ELFN2: variants seen among roughly 807,000 people sequenced by gnomAD.
ELFN2 encodes the protein extracellular leucine rich repeat and fibronectin type III domain containing 2.
In ELFN2, 17 loss-of-function variants were observed where a neutral mutation model predicts 45.5. The ratio of observed to expected loss-of-function variants is 0.37; its 90% CI spans 0.26 to 0.56. ELFN2 has a LOEUF of 0.56. ELFN2 is among the 20% of genes least tolerant of loss of function. ELFN2 has a pLI of 0.77. For missense variants in ELFN2, 922 were observed against 1,183.2 expected (o/e 0.78, Z 3.24); for synonymous variants, 550 against 551.5 (o/e 1.00, Z 0.04).
chr22:37,368,796 T>G lies in ELFN2; in HGVS notation c.*4276A>C, dbSNP rs1931273673. ...AAAGGGGGCTCTGCTGGGCCAGGAATGGGCAGGGGCAGGGTAGTAGGGGAC... is the reference window on the plus strand; with the variant it reads ...AAAGGGGGCTCTGCTGGGCCAGGAAGGGGCAGGGGCAGGGTAGTAGGGGAC... On this transcript the variant is annotated 3_prime_UTR_variant, in exon 3 of 3. Coordinates refer to ENST00000402918, the MANE Select transcript of ELFN2 (RefSeq NM_052906.5). 6.6e-6 allele frequency: 1 copy of G among 152,372 alleles called. No homozygotes were observed. The highest frequency in any genetic ancestry group is 1.5e-5 in the Non-Finnish European group (1 of 68,190). The allele number at this position is 152,372 out of a possible 1,614,324, so 9.4% of individuals were successfully genotyped here.
chr22:37,354,379 T>A (rs1426324540), intron 1 of ELFN2: 2 of 152,216 alleles, frequency 1.3e-5, no homozygotes, highest in African/African-American at 4.8e-5. Context: ...CACGTATATA[T>A]TCACTTCAGT....
chr22:37,401,109 G>C (rs1401580802), intron 2 of ELFN2, among the ~76,000 whole-genome samples: 1 of 152,212 alleles, frequency 6.6e-6, no homozygotes, highest in Admixed American at 6.5e-5. Context: ...TGCGGGGGCC[G>C]TGGGGCCTAG....
chr22:37,411,674 C>T (rs1327505909), intron 2 of ELFN2, among the ~76,000 whole-genome samples: 1 of 152,188 alleles, frequency 6.6e-6, no homozygotes, highest in Non-Finnish European at 1.5e-5. Flanking sequence ...TGAGCTGTGA[C>T]CCAGTGTGGA....
chr22:37,400,050 A>C (rs1002095957), intron 2 of ELFN2, among the ~76,000 whole-genome samples: 3 of 152,086 alleles, frequency 2.0e-5, no homozygotes, highest in African/African-American at 7.2e-5. Flanking sequence ...CCCTGCCTCC[A>C]AAGGCCAAGC....
Position 37,372,958 on chromosome 22 carries a change from G to T in ELFN2, c.*114C>A. The T allele has an allele frequency of 8.0e-7, 1 of 1,248,660 alleles. No homozygotes were observed. Among genetic ancestry groups the T allele is most frequent in the Non-Finnish European group, 1.1e-6 (1 of 923,738 alleles). The allele number at this position is 1,248,660 out of a possible 1,614,324, so 77.3% of individuals were successfully genotyped here. ...TGCGTGCGTGCGGGTCTGCATGTGC[G>T]TCCTCTCCTGGGCCTTGGCCCCCGA... On this transcript the variant is annotated 3_prime_UTR_variant, in exon 3 of 3. Transcript: ENST00000402918. The surrounding 1 kb of genome is among the most constrained non-coding windows in gnomAD (Gnocchi z 4.4).
chr22:37,394,623 G>C (rs1932165347), intron 2 of ELFN2, among the ~76,000 whole-genome samples: 1 of 152,200 alleles, frequency 6.6e-6, no homozygotes, highest in African/African-American at 2.4e-5. Context: ...AGTAGGCAGA[G>C]CGATCCCGCA....
intron 1 of ELFN2, among the ~76,000 whole-genome samples, chr22:37,426,209 G>A (rs954565233): frequency 3.3e-5 from 5 of 152,296 alleles, no homozygotes; most frequent in South Asian, 4.1e-4. Context: ...AGAAAGTGCC[G>A]AGTACCACGT....
At position 37,375,639 on chromosome 22, in the gene ELFN2, G is replaced by C; in HGVS notation, c.-105C>G. The stretch of plus-strand genomic sequence containing the variant: ...TCCCTGGGGCCGCCACCATCTTGGG[G>C]GCGACCCCCAGCACGGGGGCCCCAG... On this transcript the variant is annotated 5_prime_UTR_variant, in exon 3 of 3. Coordinates refer to ENST00000402918, the MANE Select transcript of ELFN2 (RefSeq NM_052906.5). The C allele has an allele frequency of 1.4e-6, 2 of 1,381,780 alleles. No homozygotes were observed. The highest frequency in any genetic ancestry group is 1.9e-6 in the Non-Finnish European group (2 of 1,038,836). 85.6% of individuals were successfully genotyped at this position (1,381,780 alleles called of 1,614,324 possible). A position where few individuals can be genotyped will look rare whatever the true frequency, so the allele number is the denominator to read the frequency against.
downstream of ELFN2, among the ~76,000 whole-genome samples, chr22:37,364,384 G>A (rs1163483732): frequency 2.0e-5 from 3 of 152,186 alleles, no homozygotes; most frequent in East Asian, 3.8e-4. Flanking sequence ...AGCCGGGGGT[G>A]CAGAGCAAGA....
rs1931250099 is a variant in ELFN2, at chr22:37,368,202, A to G, written c.*4870T>C. 6.6e-6 allele frequency: 1 copy of G among 152,170 alleles called. No individual in the cohort carries two copies. The highest frequency in any genetic ancestry group is 2.1e-4 in the South Asian group (1 of 4,832). 9.4% of individuals were successfully genotyped at this position (152,170 alleles called of 1,614,324 possible). The stretch of plus-strand genomic sequence containing the variant: ...ACACAGCAAGGGTTCACAGGTTCAG[A>G]GCCCAGGGCCTGAGCCCAGCTCTGC... On this transcript the variant is annotated 3_prime_UTR_variant, in exon 3 of 3. Coordinates refer to ENST00000402918, the MANE Select transcript of ELFN2 (RefSeq NM_052906.5).
intron 2 of ELFN2, among the ~76,000 whole-genome samples, chr22:37,400,584 G>C (rs1027112369): frequency 6.6e-6 from 1 of 152,152 alleles, no homozygotes; most frequent in East Asian, 1.9e-4. Context: ...GGCCTGCAGG[G>C]GTGCCAGGAC....
At chr22:37,356,235 C>A (rs866925942) in intron 1 of ELFN2, among the ~76,000 whole-genome samples, 1 of 152,174 alleles carries the variant, frequency 6.6e-6, no homozygotes, top group African/African-American at 2.4e-5. Flanking sequence ...CGCTTACCCA[C>A]CTGCCCCTGG....
chr22:37,412,170 C>A (rs1932663760), intron 2 of ELFN2, among the ~76,000 whole-genome samples: 1 of 151,162 alleles, frequency 6.6e-6, no homozygotes, highest in African/African-American at 2.4e-5. Flanking sequence ...CATGGCGAAA[C>A]CTGGTCTCTA....
rs376516851 is a variant in ELFN2, at chr22:37,368,973, A to G, written c.*4099T>C. ...ATCCCACACAGGATGCTCCCTGACC[A>G]GCCTTGCCCCTCCCCCATCACCCTA... On this transcript the variant is annotated 3_prime_UTR_variant, in exon 3 of 3. Transcript: ENST00000402918. The G allele has an allele frequency of 1.4e-5, 2 of 147,200 alleles. No individual in the cohort carries two copies. The highest frequency in any genetic ancestry group is 3.0e-5 in the Non-Finnish European group (2 of 67,268). The allele number at this position is 147,200 out of a possible 1,614,324, so 9.1% of individuals were successfully genotyped here. A position where few individuals can be genotyped will look rare whatever the true frequency, so the allele number is the denominator to read the frequency against.
chr22:37,380,787 C>T (rs1931737561), intron 2 of ELFN2, among the ~76,000 whole-genome samples: 1 of 152,204 alleles, frequency 6.6e-6, no homozygotes, highest in Admixed American at 6.5e-5. Context: ...GACAGGAACT[C>T]TGCCCTCAGG....
rs895188082 is a variant in ELFN2 at position 37,416,239 on chromosome 22, G to C, written c.-463+1530C>G. On this transcript the variant is annotated intron_variant, in intron 2 of 2. Coordinates refer to ENST00000402918, the MANE Select transcript of ELFN2 (RefSeq NM_052906.5). ...GCTTCAGGAGAACCCCTGGGGACTG[G>C]GGGGAGAGAGAGGACTCAACGGTGT... Among the ~76,000 whole-genome samples the C allele has an allele frequency of 3.3e-5, 5 of 152,282 alleles. 1 individual carries two copies. The highest frequency in any genetic ancestry group is 4.1e-4 in the South Asian group (2 of 4,822).
intron 2 of ELFN2, among the ~76,000 whole-genome samples, chr22:37,399,118 T>C (rs115813232): frequency 0.042 from 6,324 of 151,604 alleles, 456 homozygotes; most frequent in African/African-American, 0.15. Flanking sequence ...GATGGGCACG[T>C]GAGCTTCTTA....
chr22:37,348,541 G>A (rs1018452081), intron 1 of ELFN2, among the ~76,000 whole-genome samples: 13 of 150,860 alleles, frequency 8.6e-5, no homozygotes, highest in African/African-American at 2.9e-4. Context: ...TGGCCTTGCA[G>A]GGAAAAGCAA....
At chr22:37,387,528 A>G (rs1325539999) in intron 2 of ELFN2, among the ~76,000 whole-genome samples, 1 of 152,014 alleles carries the variant, frequency 6.6e-6, no homozygotes, top group Admixed American at 6.5e-5. Flanking sequence ...TTCTGCCTTC[A>G]GGTGAAAAGA....
Sources: allele counts gnomAD v4.1 joint callset (sites outside exome capture counted in the v4.1 genomes callset), GRCh38; gene constraint gnomAD v4.1.1; non-coding constraint Gnocchi (gnomAD v3.1); transcripts MANE v1.5; gene names NCBI Gene and HGNC (gene_info 2026-07-23, HGNC 2026-07-21).